The following SLC4A4 variants were observed in gnomAD, a reference collection of about 807,000 sequenced individuals.
The protein encoded by SLC4A4 is electrogenic sodium bicarbonate cotransporter 1.
A neutral mutation model predicts 111.5 loss-of-function variants in SLC4A4; 27 were observed. That is an observed-to-expected ratio of 0.24 (90% CI 0.18 to 0.33). The LOEUF (loss-of-function observed/expected upper bound fraction) is 0.33. Ranked by LOEUF, SLC4A4 falls within the 10% of genes least tolerant of loss-of-function variation. The pLI, the probability that SLC4A4 is intolerant of heterozygous loss-of-function variation, is 1.00. For missense variants in SLC4A4, 909 were observed against 1,315.5 expected (o/e 0.69, Z 4.78); for synonymous variants, 443 against 463.4 (o/e 0.96, Z 0.57).
chr4:71,333,937 G>T (rs1728218355), intron 3 of SLC4A4, among the ~76,000 whole-genome samples: 1 of 151,126 alleles, frequency 6.6e-6, no homozygotes, highest in Admixed American at 6.6e-5. Flanking sequence ...CCCAGGGCAG[G>T]TCCAGAAATG....
intron 7 of SLC4A4, among the ~76,000 whole-genome samples, chr4:71,409,975 C>T (rs976526363): frequency 1.3e-5 from 2 of 152,206 alleles, no homozygotes; most frequent in African/African-American, 4.8e-5. Flanking sequence ...TTGGCAGCTT[C>T]CACATGGTGT....
chr4:71,436,308 A>G (rs931561671), intron 7 of SLC4A4, among the ~76,000 whole-genome samples: 1 of 152,182 alleles, frequency 6.6e-6, no homozygotes, highest in African/African-American at 2.4e-5. Flanking sequence ...TAACAGAAGA[A>G]CAGAAAACCA....
intron 3 of SLC4A4, among the ~76,000 whole-genome samples, chr4:71,309,937 A>G (rs1578805347): frequency 6.6e-6 from 1 of 152,034 alleles, no homozygotes; most frequent in South Asian, 2.1e-4. Context: ...GAACCTTGAC[A>G]AAAGGTTACA....
intron 6 of SLC4A4, among the ~76,000 whole-genome samples, chr4:71,366,814 A>G (rs1047869768): frequency 6.6e-6 from 1 of 152,236 alleles, no homozygotes; most frequent in Non-Finnish European, 1.5e-5. Flanking sequence ...AAAAAGCAAC[A>G]TGAAAGGGTT....
In SLC4A4 at chr4:71,486,933, A is replaced by G. The variant is rs2149131792; in HGVS notation, c.1904-15A>G. The G allele has an allele frequency of 6.5e-7, 1 of 1,549,448 alleles. No homozygotes were observed. The stretch of plus-strand genomic sequence containing the variant: ...TTTAGTTTTATAGTATAAAATAATT[A>G]TCTTTTGCTTACAGCTAATATCTCA... On this transcript the variant is annotated splice_polypyrimidine_tract_variant and intron_variant, in intron 14 of 25. Coordinates refer to ENST00000264485, the MANE Select transcript of SLC4A4 (RefSeq NM_001098484.3).
intron 2 of SLC4A4, among the ~76,000 whole-genome samples, chr4:71,138,984 A>G (rs942560577): frequency 3.4e-5 from 5 of 146,788 alleles, no homozygotes; most frequent in East Asian, 2.0e-4. Context: ...TGCAGTGAGC[A>G]GAGATCGTGC....
intron 4 of SLC4A4, 107 bp downstream of exon 4, chr4:71,339,612 A>G (rs1164112611): frequency 3.9e-6 from 4 of 1,018,344 alleles, no homozygotes; most frequent in South Asian, 2.6e-5. Flanking sequence ...TGAATGGCCA[A>G]TGGGCATGAT....
rs531576955 is a variant in SLC4A4, at chr4:71,423,632, C to T, written c.808-16984C>T. 4.9e-3 allele frequency among the ~76,000 whole-genome samples: 742 copies of T among 152,200 alleles called. 3 individuals carry two copies. Among genetic ancestry groups the T allele is most frequent in the South Asian group, 0.03 (143 of 4,826 alleles). On this transcript the variant is annotated intron_variant, in intron 7 of 25. Coordinates refer to ENST00000264485, the MANE Select transcript of SLC4A4 (RefSeq NM_001098484.3). The stretch of plus-strand genomic sequence containing the variant: ...TAACCAAAACAGCATGGTACTGGTA[C>T]CAAAACAGAGATCTAGATCAATGGA...
Position 71,397,612 on chromosome 4 carries a change from T to G in SLC4A4, c.766T>G (p.Ser256Ala), listed in dbSNP as rs773551466. Residue 256 changes from serine to alanine, a missense_variant, in exon 7 of 26, where the codon TCC becomes GCC. By Grantham distance (99) the Ser-to-Ala change is moderately conservative. Transcript: ENST00000264485. ...CATGACCCATAGGAATCTGACTTCCTCCAGTCTGAATGACATTTCTGATAA... is the reference window on the plus strand; with the variant it reads ...CATGACCCATAGGAATCTGACTTCCGCCAGTCTGAATGACATTTCTGATAA... The part of the protein sequence containing the change: ...PAMTHRNLTS[S>A]SLNDISDKPE... The G allele has an allele frequency of 6.2e-7, 1 of 1,614,016 alleles. No homozygotes were observed. The highest frequency in any genetic ancestry group is 2.2e-5 in the East Asian group (1 of 44,856).
chr4:71,527,520 A>G (rs1400642635), intron 16 of SLC4A4, among the ~76,000 whole-genome samples: 2 of 151,978 alleles, frequency 1.3e-5, no homozygotes, highest in African/African-American at 4.8e-5. Flanking sequence ...AGGGAAGAGG[A>G]GCCAGGGGGA....
At chr4:71,195,486 T>A (rs1434226110) in intron 1 of SLC4A4, among the ~76,000 whole-genome samples, 1 of 152,198 alleles carries the variant, frequency 6.6e-6, no homozygotes, top group Non-Finnish European at 1.5e-5. Context: ...AAACAGCTTT[T>A]GTTTTCTGTT....
intron 1 of SLC4A4, among the ~76,000 whole-genome samples, chr4:71,090,635 T>C (rs1742361709): frequency 6.6e-6 from 1 of 152,264 alleles, no homozygotes; most frequent in Non-Finnish European, 1.5e-5. Flanking sequence ...TGTTTTGTAT[T>C]ACTGCTCTTT....
intron 2 of SLC4A4, among the ~76,000 whole-genome samples, chr4:71,097,919 G>A (rs1057308306): frequency 6.6e-6 from 1 of 152,106 alleles, no homozygotes; most frequent in Non-Finnish European, 1.5e-5. Context: ...CTGGATATTA[G>A]ACCTTTGTCA....
chr4:71,448,485 T>A (rs1725461124), intron 9 of SLC4A4, among the ~76,000 whole-genome samples: 3 of 152,192 alleles, frequency 2.0e-5, no homozygotes, highest in African/African-American at 7.2e-5. Flanking sequence ...ATGCATTTTT[T>A]CTTAGGTATC....
intron 20 of SLC4A4, among the ~76,000 whole-genome samples, chr4:71,549,206 A>C (rs1000973787): frequency 1.3e-5 from 2 of 151,934 alleles, no homozygotes; most frequent in Non-Finnish European, 2.9e-5. Context: ...ATAAGTGTGA[A>C]GATGTGGTGA....
At chr4:71,089,466 A>G (rs1742309856) in intron 1 of SLC4A4, among the ~76,000 whole-genome samples, 1 of 151,874 alleles carries the variant, frequency 6.6e-6, no homozygotes, top group Admixed American at 6.5e-5. Context: ...GGAGGAGGAG[A>G]GGCGCTCTGA....
chr4:71,070,180 T>C (rs1264226648), intron 1 of SLC4A4, among the ~76,000 whole-genome samples: 1 of 152,186 alleles, frequency 6.6e-6, no homozygotes, highest in Non-Finnish European at 1.5e-5. Context: ...GTGTAAAGAG[T>C]AACACAGTGG....
chr4:71,368,554 A>T (rs1175169091), intron 6 of SLC4A4, among the ~76,000 whole-genome samples: 1 of 152,182 alleles, frequency 6.6e-6, no homozygotes, highest in African/African-American at 2.4e-5. Context: ...TGTGCATAAG[A>T]TCCATAGACC....
At chr4:71,236,682 GACAT>G (rs781274206) in intron 2 of SLC4A4, 33 bp downstream of exon 2, 9 of 1,534,806 alleles carry the variant, frequency 5.9e-6, no homozygotes, top group Non-Finnish European at 7.2e-6. Context: ...AGTGTCTGTT[GACAT>G]ACATATGTCT....
Sources: allele counts gnomAD v4.1 joint callset (sites outside exome capture counted in the v4.1 genomes callset), GRCh38; gene constraint gnomAD v4.1.1; transcripts MANE v1.5; gene names NCBI Gene and HGNC (gene_info 2026-07-23, HGNC 2026-07-21).